PTPRD: variants seen among roughly 807,000 people sequenced by gnomAD.
PTPRD encodes the protein receptor-type tyrosine-protein phosphatase delta.
PTPRD carries 34 observed loss-of-function variants against 214.5 expected under a neutral mutation model. The observed-to-expected ratio is 0.16, with a 90% CI of 0.12 to 0.21. The LOEUF is 0.21. Among genes scored for constraint, PTPRD ranks in the 10% least tolerant of loss-of-function variants. The pLI is 1.00. For missense variants in PTPRD, 2,545 were observed against 2,398.7 expected, an observed-to-expected ratio of 1.06 and a Z score of -1.27; for synonymous variants, 1,128 against 845.7, an observed-to-expected ratio of 1.33 and a Z score of -5.79.
chr9:9,101,597 C>G (rs1341942418), intron 10 of PTPRD, among the ~76,000 whole-genome samples: 1 of 152,114 alleles, frequency 6.6e-6, no homozygotes, highest in Non-Finnish European at 1.5e-5. Flanking sequence ...GAATTATTAT[C>G]TTTTGTAGCA....
At chr9:9,380,881 T>C (rs2062027609) in intron 9 of PTPRD, among the ~76,000 whole-genome samples, 1 of 152,190 alleles carries the variant, frequency 6.6e-6, no homozygotes, top group Non-Finnish European at 1.5e-5. Context: ...GGTGTATATA[T>C]GTTAATAATT....
At chr9:9,650,167 G>A (rs1365563988) in intron 7 of PTPRD, among the ~76,000 whole-genome samples, 1 of 152,102 alleles carries the variant, frequency 6.6e-6, no homozygotes, top group East Asian at 1.9e-4. Context: ...AAAGTGTGCA[G>A]TGGTTTTCCC....
At chr9:9,892,729 AT>A (rs2073781606) in intron 5 of PTPRD, among the ~76,000 whole-genome samples, 1 of 148,964 alleles carries the variant, frequency 6.7e-6, no homozygotes, top group South Asian at 2.1e-4. Context: ...TTAGGAGCCC[AT>A]TATAATAACG....
intron 9 of PTPRD, among the ~76,000 whole-genome samples, chr9:9,206,143 A>C (rs2099944719): frequency 6.6e-6 from 1 of 152,186 alleles, no homozygotes; most frequent in African/African-American, 2.4e-5. Flanking sequence ...GCCTAGAACA[A>C]GAGGAGTTTG....
intron 5 of PTPRD, among the ~76,000 whole-genome samples, chr9:9,868,146 C>T (rs1485176617): frequency 6.6e-6 from 1 of 152,122 alleles, no homozygotes; most frequent in Admixed American, 6.6e-5. Flanking sequence ...GGATTCCAAG[C>T]AGCTGAGTCC....
intron 8 of PTPRD, among the ~76,000 whole-genome samples, chr9:9,463,920 T>C (rs990089765): frequency 3.9e-5 from 6 of 152,120 alleles, no homozygotes; most frequent in African/African-American, 1.2e-4. Context: ...GATCACCACA[T>C]TTGGACAGTG....
chr9:8,783,890 C>T (rs1340441848), intron 11 of PTPRD, among the ~76,000 whole-genome samples: 1 of 152,180 alleles, frequency 6.6e-6, no homozygotes, highest in Non-Finnish European at 1.5e-5. Context: ...AATATTTACG[C>T]TACCCCTTCA....
intron 30 of PTPRD, among the ~76,000 whole-genome samples, chr9:8,479,208 C>A (rs554146351): frequency 6.6e-6 from 1 of 152,310 alleles, no homozygotes; most frequent in Admixed American, 6.5e-5. Flanking sequence ...GAGTAGTAAC[C>A]TTACACTATT....
intron 3 of PTPRD, among the ~76,000 whole-genome samples, chr9:10,256,303 G>A (rs1595491393): frequency 6.6e-6 from 1 of 151,608 alleles, no homozygotes; most frequent in East Asian, 1.9e-4. Flanking sequence ...CCCACTGGAA[G>A]GTCTTCGGGG....
intron 39 of PTPRD, among the ~76,000 whole-genome samples, chr9:8,348,744 C>T (rs796345728): frequency 4.6e-5 from 7 of 152,304 alleles, no homozygotes; most frequent in Non-Finnish European, 8.8e-5. Context: ...CACCTCTGGG[C>T]GTTTGTGACG....
At chr9:8,964,639 G>A (rs551443422) in intron 11 of PTPRD, among the ~76,000 whole-genome samples, 1 of 152,052 alleles carries the variant, frequency 6.6e-6, no homozygotes, top group Non-Finnish European at 1.5e-5. Context: ...TTCCAGATAT[G>A]ATGCTGAATC....
chr9:9,141,521 A>G (rs1234703383), intron 10 of PTPRD, among the ~76,000 whole-genome samples: 3 of 151,848 alleles, frequency 2.0e-5, no homozygotes, highest in African/African-American at 7.3e-5. Flanking sequence ...ACTACACTAA[A>G]ATGTAGTTCC....
chr9:9,475,556 G>A (rs914412808), intron 8 of PTPRD, among the ~76,000 whole-genome samples: 5 of 152,036 alleles, frequency 3.3e-5, no homozygotes, highest in Non-Finnish European at 5.9e-5. Context: ...ATGTCATCAG[G>A]ACTCAAAACT....
chr9:8,788,123 T>C (rs983063909), intron 11 of PTPRD, among the ~76,000 whole-genome samples: 2 of 152,162 alleles, frequency 1.3e-5, no homozygotes, highest in Non-Finnish European at 2.9e-5. Flanking sequence ...CATTCTGTGC[T>C]TGATCACATC....
intron 39 of PTPRD, among the ~76,000 whole-genome samples, chr9:8,364,430 T>G (rs1437606515): frequency 6.6e-6 from 1 of 152,128 alleles, no homozygotes; most frequent in Non-Finnish European, 1.5e-5. Context: ...ATAGAAGAGG[T>G]AACAATAGCA....
intron 5 of PTPRD, among the ~76,000 whole-genome samples, chr9:9,802,551 G>C (rs1160008299): frequency 6.6e-6 from 1 of 151,748 alleles, no homozygotes; most frequent in Non-Finnish European, 1.5e-5. Context: ...CTATAGACTA[G>C]GGAACTCTTA....
At chr9:8,787,001 T>TG (rs1261769241) in intron 11 of PTPRD, among the ~76,000 whole-genome samples, 1 of 152,032 alleles carries the variant, frequency 6.6e-6, no homozygotes, top group Admixed American at 6.6e-5. Flanking sequence ...CACGCCCAGC[T>TG]AATATTTTCT....
chr9:9,417,610 G>T (rs2077377369), intron 8 of PTPRD, among the ~76,000 whole-genome samples: 1 of 152,034 alleles, frequency 6.6e-6, no homozygotes, highest in African/African-American at 2.4e-5. Context: ...GAGGGAAGTT[G>T]AGTTAAAAAA....
At chr9:10,011,810 T>A (rs75448726) in intron 4 of PTPRD, among the ~76,000 whole-genome samples, 4,328 of 152,076 alleles carry the variant, frequency 0.028, 122 homozygotes, top group Admixed American at 0.088. Context: ...ATTTCTTATA[T>A]CTTATCAGTC....
Sources: allele counts gnomAD v4.1 joint callset (sites outside exome capture counted in the v4.1 genomes callset), GRCh38; gene constraint gnomAD v4.1.1; transcripts MANE v1.5; gene names NCBI Gene and HGNC (gene_info 2026-07-23, HGNC 2026-07-21).